PPIL2: variants seen among roughly 807,000 people sequenced by gnomAD.
PPIL2 encodes the protein peptidylprolyl isomerase like 2, also known as RING-type E3 ubiquitin-protein ligase PPIL2.
In PPIL2, 50 loss-of-function variants were observed where a neutral mutation model predicts 75.2. That is an observed-to-expected ratio of 0.66 (90% confidence interval 0.53 to 0.84). The LOEUF (loss-of-function observed/expected upper bound fraction) is 0.84, where lower values mean the gene tolerates loss of function less well. PPIL2 is among the 40% of genes least tolerant of loss of function. The probability of loss-of-function intolerance (pLI) is 0.00; values close to 1 mark genes in which losing one functional copy is unlikely to be tolerated. For synonymous variants in PPIL2, 245 were observed against 258.8 expected (o/e 0.95, Z 0.51); for missense variants, 590 against 685.0 (o/e 0.86, Z 1.55).
At chr22:21,699,671 T>C (rs1003079542), downstream of PPIL2, 1 of 152,804 alleles carries the variant, frequency 6.5e-6, no homozygotes, top group African/African-American at 2.4e-5. Flanking sequence ...ATTTTAAACA[T>C]TCTGGCAAAT....
In PPIL2 at chr22:21,695,525, G is replaced by T. The variant is rs371791000; in HGVS notation, c.*35G>T. ...GGCCGCTGTGGACCTTGGTGGGGTTGCAGGGCTGGGGGCCCATGTCCACAT... is the reference window on the plus strand; with the variant it reads ...GGCCGCTGTGGACCTTGGTGGGGTTTCAGGGCTGGGGGCCCATGTCCACAT... On this transcript the variant is annotated 3_prime_UTR_variant, in exon 20 of 20. Transcript: ENST00000398831. 79 of 1,565,414 alleles carry T rather than the reference G, an allele frequency of 5.0e-5. 2 individuals are homozygous for T. In the African/African-American group the frequency reaches 9.5e-4, roughly 19 times the overall value.
rs139026364 is a variant in PPIL2 at position 21,666,027 on chromosome 22, C to A, written c.-73C>A. 7.7e-4 allele frequency: 1,189 copies of A among 1,551,438 alleles called. 9 individuals are homozygous for A. The African/African-American group carries it at 0.015, about 19-fold the overall frequency. On this transcript the variant is annotated 5_prime_UTR_variant, in exon 1 of 20. Transcript: ENST00000398831. ...GGAACCCGGAAGTGGTCACGGAACT[C>A]GGCTGCGGCTCCATGGTCTGAGTTG...
chr22:21,679,994 G>A (rs781293938), intron 6 of PPIL2, among the ~76,000 whole-genome samples: 4 of 151,852 alleles, frequency 2.6e-5, no homozygotes, highest in Non-Finnish European at 5.9e-5. Flanking sequence ...GGAGGCTGAG[G>A]CAGGAGAATG....
chr22:21,680,015 G>A (rs530073865), intron 6 of PPIL2, among the ~76,000 whole-genome samples: 2 of 151,720 alleles, frequency 1.3e-5, no homozygotes, highest in Non-Finnish European at 2.9e-5. Flanking sequence ...GCGTGAACCC[G>A]GGAGGCGGAG....
chr22:21,694,449 C>G, intron 16 of PPIL2, 144 bp from the exon 17 acceptor site: 1 of 835,096 alleles, frequency 1.2e-6, no homozygotes, highest in Non-Finnish European at 1.9e-6. Flanking sequence ...TTGCCACTCC[C>G]TCTCATCGCC....
At position 21,666,070 on chromosome 22, in the gene PPIL2, G is replaced by A; in HGVS notation, c.-30G>A. 6.2e-7 allele frequency: 1 copy of A among 1,609,834 alleles called. No homozygotes were observed. Among genetic ancestry groups the A allele is most frequent in the Admixed American group, 1.7e-5 (1 of 59,320 alleles). On this transcript the variant is annotated 5_prime_UTR_variant, in exon 1 of 20. It adds an upstream start codon to the 5' untranslated region. Transcript: ENST00000398831. ...CTGAGTTGTCAGCCGTTGTTTTTTCGTGCTCGCTAGTCGCCGCCGCCGCTC... is the reference window on the plus strand; with the variant it reads ...CTGAGTTGTCAGCCGTTGTTTTTTCATGCTCGCTAGTCGCCGCCGCCGCTC...
intron 13 of PPIL2, 29 bp from the exon 14 acceptor site, chr22:21,688,044 G>T: frequency 6.2e-7 from 1 of 1,614,192 alleles, no homozygotes; most frequent in South Asian, 1.1e-5. Context: ...CTCAGAGTGT[G>T]ACTTGCTCAC....
chr22:21,670,073 A>G (rs2066572949), intron 2 of PPIL2, 111 bp downstream of exon 2: 3 of 1,159,662 alleles, frequency 2.6e-6, no homozygotes, highest in Admixed American at 3.8e-5. Flanking sequence ...AAACTATGGT[A>G]GACGAATGGG....
chr22:21,692,392 G>T (rs529412738), intron 15 of PPIL2, among the ~76,000 whole-genome samples: 1 of 151,488 alleles, frequency 6.6e-6, no homozygotes, highest in Non-Finnish European at 1.5e-5. Context: ...CTGACCTTGT[G>T]ATCCGCCCAC....
In PPIL2 at chr22:21,681,287, C is replaced by T. The variant is rs773228175; in HGVS notation, c.296-12C>T. 109 of 1,604,006 alleles carry T rather than the reference C, an allele frequency of 6.8e-5. No homozygotes were observed. Among genetic ancestry groups the T allele is most frequent in the East Asian group, 1.1e-4 (5 of 44,848 alleles). On this transcript the variant is annotated splice_polypyrimidine_tract_variant and intron_variant, in intron 6 of 19. Coordinates refer to ENST00000398831, the MANE Select transcript of PPIL2 (RefSeq NM_014337.4). ...GAGGTGACTGGCCTCCCTGTGTGTG[C>T]CTTCTCTCTAGGGAAGTACCACTGC...
Position 21,695,568 on chromosome 22 carries a change from C to A in PPIL2, c.*78C>A. On this transcript the variant is annotated 3_prime_UTR_variant, in exon 20 of 20. Transcript: ENST00000398831. ...GTCCACATCTCCATTTCCAGCCTTTCTAGCCTGCCCTCTGCTGCCAGCCAA... is the reference window on the plus strand; with the variant it reads ...GTCCACATCTCCATTTCCAGCCTTTATAGCCTGCCCTCTGCTGCCAGCCAA... The A allele has an allele frequency of 6.5e-7, 1 of 1,541,940 alleles. No homozygotes were observed. Among genetic ancestry groups the A allele is most frequent in the Non-Finnish European group, 8.8e-7 (1 of 1,142,846 alleles).
At chr22:21,692,061 ATCGTT>A (rs1156629408) in intron 15 of PPIL2, among the ~76,000 whole-genome samples, 1 of 134,662 alleles carries the variant, frequency 7.4e-6, no homozygotes, top group Non-Finnish European at 1.7e-5. Flanking sequence ...CATGTCTTCC[ATCGTT>A]TTCTTTTCAG....
chr22:21,692,064 GTTTTC>G (rs72037690), intron 15 of PPIL2, among the ~76,000 whole-genome samples: 48,054 of 151,796 alleles, frequency 0.32, 7,850 homozygotes, highest in Non-Finnish European at 0.37. Context: ...GTCTTCCATC[GTTTTC>G]TTTTCAGCCT....
chr22:21,670,968 A>G lies in PPIL2; in HGVS notation c.129-29A>G, dbSNP rs756270047. 7 of 1,590,478 alleles carry G rather than the reference A, an allele frequency of 4.4e-6. No individual in the cohort carries two copies. In the African/African-American group the frequency reaches 5.4e-5, roughly 12 times the overall value. ...CACATCCTGACCAGGGTGCGTGGCA[A>G]CTCACCAGGAATGACTGTCCTTTTT... On this transcript the variant is annotated intron_variant, in intron 3 of 19. Coordinates refer to ENST00000398831, the MANE Select transcript of PPIL2 (RefSeq NM_014337.4).
chr22:21,695,985 C>A lies in PPIL2; in HGVS notation c.*495C>A. 1 of 506,908 alleles carries A rather than the reference C, an allele frequency of 2.0e-6. No individual in the cohort carries two copies. The highest frequency in any genetic ancestry group is 2.6e-6 in the Non-Finnish European group (1 of 384,504). The allele number at this position is 506,908 out of a possible 1,614,324, so 31.4% of individuals were successfully genotyped here. On this transcript the variant is annotated 3_prime_UTR_variant, in exon 20 of 20. Transcript: ENST00000398831. Reference sequence around the variant, plus strand: ...TACAGCCGTGCACCACTACATCCAGCTGTATATGTCTGGTTTTCTTACCCC... The same window carrying A: ...TACAGCCGTGCACCACTACATCCAGATGTATATGTCTGGTTTTCTTACCCC...
At chr22:21,694,478 G>A (rs1238984716) in intron 16 of PPIL2, 115 bp from the exon 17 acceptor site, 19 of 1,171,350 alleles carry the variant, frequency 1.6e-5, no homozygotes, top group Non-Finnish European at 2.0e-5. Flanking sequence ...TGCTGCCCAA[G>A]GACCACCAGG....
Position 21,696,781 on chromosome 22 carries a change from T to TCC in PPIL2, c.*1292_*1293insCC. The TCC allele has an allele frequency of 1.9e-6, 3 of 1,546,678 alleles. No homozygotes were observed. Among genetic ancestry groups the TCC allele is most frequent in the African/African-American group, 1.4e-5 (1 of 72,452 alleles). On this transcript the variant is annotated 3_prime_UTR_variant, in exon 20 of 20. Coordinates refer to ENST00000398831, the MANE Select transcript of PPIL2 (RefSeq NM_014337.4). Reference sequence around the variant, plus strand: ...GGCTGTACCTCTGCCCTTCCTTTTCTCATCAATCACTGATGCTGAAGCTGC... The same window carrying TCC: ...GGCTGTACCTCTGCCCTTCCTTTTCTCCCATCAATCACTGATGCTGAAGCTGC...
chr22:21,676,013 CT>C (rs1379411667), intron 6 of PPIL2, among the ~76,000 whole-genome samples: 15 of 152,330 alleles, frequency 9.8e-5, no homozygotes, highest in African/African-American at 3.4e-4. Flanking sequence ...GATGCTATGG[CT>C]TAGGGGTTGT....
chr22:21,684,454 C>CAAAAAAAAAAAAAAAAAAAAA (rs1028354500), intron 9 of PPIL2, among the ~76,000 whole-genome samples: 1 of 47,550 alleles, frequency 2.1e-5, no homozygotes, highest in Non-Finnish European at 3.7e-5. Context: ...TCCATCTCCA[C>CAAAAAAAAAAAAAAAAAAAAA]AAAAAAAAAA....
Sources: gnomAD v4.1 joint callset for allele counts (sites outside exome capture counted in the v4.1 genomes callset) on GRCh38, gnomAD v4.1.1 for gene constraint, MANE v1.5 for transcripts, NCBI Gene and HGNC (gene_info 2026-07-23, HGNC 2026-07-21) for gene names.